Variants in SRD5A2 observed in about 807,000 individuals in gnomAD.
SRD5A2 encodes the protein 3-oxo-5-alpha-steroid 4-dehydrogenase 2.
Under a neutral mutation model 27.4 loss-of-function variants are expected in SRD5A2, and 30 were observed. The observed-to-expected ratio is 1.10, with a 90% CI of 0.82 to 1.49. The LOEUF (loss-of-function observed/expected upper bound fraction) is 1.49. SRD5A2 is among the 40% of genes most tolerant of loss of function. The probability of loss-of-function intolerance (pLI) is 0.00; values close to 1 mark genes in which losing one functional copy is unlikely to be tolerated. For missense variants in SRD5A2, 348 were observed against 323.4 expected (o/e 1.08, Z -0.58); for synonymous variants, 141 against 133.6 (o/e 1.06, Z -0.38).
chr2:31,590,238 G>A, the SRD5A2 span, among the ~76,000 whole-genome samples: 1 of 146,270 alleles, frequency 6.8e-6, no homozygotes, highest in East Asian at 2.1e-4. Context: ...GAGCTCTATG[G>A]CCCCGCTCAT....
chr2:31,589,823 C>A, the SRD5A2 span, among the ~76,000 whole-genome samples: 1 of 152,016 alleles, frequency 6.6e-6, no homozygotes, highest in South Asian at 2.1e-4. Flanking sequence ...GAAGGGAGGC[C>A]TGAGAGCCCT....
chr2:31,580,945 G>T, upstream of SRD5A2: 2 of 1,562,268 alleles, frequency 1.3e-6, no homozygotes, highest in South Asian at 1.1e-5. Context: ...CCAGAAGAGA[G>T]CGCGGCCCCC....
intron 1 of SRD5A2, among the ~76,000 whole-genome samples, chr2:31,559,836 C>CAACACA (rs70964719): frequency 0.056 from 3,537 of 63,702 alleles, 172 homozygotes; most frequent in African/African-American, 0.13. Flanking sequence ...GTAAACAAAC[C>CAACACA]CACACACACA....
chr2:31,608,861 G>A, the SRD5A2 span, among the ~76,000 whole-genome samples: 8 of 152,082 alleles, frequency 5.3e-5, no homozygotes, highest in East Asian at 1.9e-4. Context: ...ACTAAATTAC[G>A]TTCTACCAAA....
At chr2:31,553,473 AC>A (rs1666422381) in intron 1 of SRD5A2, among the ~76,000 whole-genome samples, 2 of 152,208 alleles carry the variant, frequency 1.3e-5, no homozygotes. Context: ...AGACCAAGAC[AC>A]ATTACAATCA....
chr2:31,662,846 T>G, the SRD5A2 span, among the ~76,000 whole-genome samples: 2 of 152,148 alleles, frequency 1.3e-5, no homozygotes, highest in African/African-American at 4.8e-5. Flanking sequence ...TCTAAGTTTC[T>G]TGCAGTCTTA....
rs187924868 is a variant in SRD5A2 at position 31,526,077 on chromosome 2, G to T, written c.*119C>A. Reference sequence around the variant, plus strand: ...GAATCCCCAGGCCAGCTGGCAGAACGCCAGGAGACCTACTATTACATATAT... The same window carrying T: ...GAATCCCCAGGCCAGCTGGCAGAACTCCAGGAGACCTACTATTACATATAT... On this transcript the variant is annotated 3_prime_UTR_variant, in exon 5 of 5. Transcript: ENST00000622030. 1 of 610,938 alleles carries T rather than the reference G, an allele frequency of 1.6e-6. No homozygotes were observed. The highest frequency in any genetic ancestry group is 2.7e-6 in the Non-Finnish European group (1 of 364,252). The allele number at this position is 610,938 out of a possible 1,614,324, so 37.8% of individuals were successfully genotyped here.
chr2:31,624,740 C>G, the SRD5A2 span, among the ~76,000 whole-genome samples: 1 of 152,162 alleles, frequency 6.6e-6, no homozygotes, highest in Non-Finnish European at 1.5e-5. Flanking sequence ...GTCACATTTT[C>G]TTAATCCAGT....
At chr2:31,573,332 T>C (rs546887043) in intron 1 of SRD5A2, among the ~76,000 whole-genome samples, 2 of 152,322 alleles carry the variant, frequency 1.3e-5, no homozygotes, top group Admixed American at 6.5e-5. Context: ...GAAGACAAAT[T>C]GCACTGTTGG....
chr2:31,613,654 C>A, the SRD5A2 span, among the ~76,000 whole-genome samples: 1 of 152,084 alleles, frequency 6.6e-6, no homozygotes, highest in Non-Finnish European at 1.5e-5. Context: ...TCCAGCAATT[C>A]CATTTCTGGG....
At chr2:31,584,819 A>G (rs1271231254), upstream of SRD5A2, among the ~76,000 whole-genome samples, 1 of 152,216 alleles carries the variant, frequency 6.6e-6, no homozygotes, top group Non-Finnish European at 1.5e-5. Context: ...TGTGCAAGCA[A>G]AGCTCCTTCA....
intron 1 of SRD5A2, among the ~76,000 whole-genome samples, chr2:31,575,352 GCT>G (rs1052929229): frequency 6.6e-6 from 1 of 152,178 alleles, no homozygotes; most frequent in Non-Finnish European, 1.5e-5. Context: ...AACCTTTTGT[GCT>G]TTGCTTCTGT....
At chr2:31,656,903 C>T in the SRD5A2 span, among the ~76,000 whole-genome samples, 1 of 152,104 alleles carries the variant, frequency 6.6e-6, no homozygotes, top group Non-Finnish European at 1.5e-5. Context: ...AATCCATAGC[C>T]CCAGTATAAT....
chr2:31,592,205 GTCTT>G, the SRD5A2 span, among the ~76,000 whole-genome samples: 3 of 151,596 alleles, frequency 2.0e-5, no homozygotes, highest in Non-Finnish European at 4.4e-5. Flanking sequence ...GCAGATGGTG[GTCTT>G]TTGAAAGTGC....
chr2:31,606,130 G>A, the SRD5A2 span, among the ~76,000 whole-genome samples: 4 of 151,880 alleles, frequency 2.6e-5, no homozygotes, highest in Admixed American at 1.3e-4. Flanking sequence ...AACAGTAGAA[G>A]GATGGTTACC....
At chr2:31,559,333 A>G (rs1191798405) in intron 1 of SRD5A2, among the ~76,000 whole-genome samples, 1 of 152,238 alleles carries the variant, frequency 6.6e-6, no homozygotes, top group African/African-American at 2.4e-5. Flanking sequence ...TTTCCAGACA[A>G]AGAAAGACTT....
chr2:31,658,775 A>G, the SRD5A2 span, among the ~76,000 whole-genome samples: 1 of 152,172 alleles, frequency 6.6e-6, no homozygotes, highest in Non-Finnish European at 1.5e-5. Context: ...TACACAGCCA[A>G]TTCCTATCAG....
At chr2:31,593,075 A>C in the SRD5A2 span, among the ~76,000 whole-genome samples, 9 of 152,154 alleles carry the variant, frequency 5.9e-5, no homozygotes, top group South Asian at 1.9e-3. Context: ...ACACATGGAC[A>C]CAGGAAGGGG....
At chr2:31,591,225 C>T in the SRD5A2 span, among the ~76,000 whole-genome samples, 1 of 152,116 alleles carries the variant, frequency 6.6e-6, no homozygotes, top group Non-Finnish European at 1.5e-5. Flanking sequence ...ACAATGGACT[C>T]CAACAAATTT....
Sources: gnomAD v4.1 joint callset for allele counts (sites outside exome capture counted in the v4.1 genomes callset) on GRCh38, gnomAD v4.1.1 for gene constraint, MANE v1.5 for transcripts, NCBI Gene and HGNC (gene_info 2026-07-23, HGNC 2026-07-21) for gene names.